The following KCNMB2 variants were observed in gnomAD, a reference collection of about 807,000 sequenced individuals.
KCNMB2 encodes the protein potassium calcium-activated channel subfamily M regulatory beta subunit 2, also known as calcium-activated potassium channel subunit beta-2.
In KCNMB2, 9 loss-of-function variants were observed where a neutral mutation model predicts 24.5. That is an observed-to-expected ratio of 0.37 (90% CI 0.22 to 0.64). KCNMB2 has a LOEUF of 0.64. Among genes scored for constraint, KCNMB2 ranks in the 30% least tolerant of loss-of-function variants. The probability of loss-of-function intolerance (pLI) is 0.63; values close to 1 mark genes in which losing one functional copy is unlikely to be tolerated. For missense variants in KCNMB2, 226 were observed against 284.3 expected (o/e 0.79, Z 1.47); for synonymous variants, 109 against 104.4 (o/e 1.04, Z -0.27).
Position 178,825,674 on chromosome 3 carries a change from T to G in KCNMB2, c.143T>G (p.Ile48Ser). 6.2e-7 allele frequency: 1 copy of G among 1,613,506 alleles called. No homozygotes were observed. ...CTGAAGGCAGGAGAGGACCGAGCTA[T>G]TCTCCTGGGACTGGCTATGATGGTG... The part of the protein sequence containing the change: ...TALKAGEDRA[I>S]LLGLAMMVCS... Residue 48 changes from isoleucine (I) to serine (S), a missense_variant, in exon 3 of 5, where the codon ATT (isoleucine) becomes AGT (serine). Coordinates refer to ENST00000452583, the MANE Select transcript of KCNMB2 (RefSeq NM_181361.3).
At chr3:178,784,257 G>C (rs147300791) in intron 1 of KCNMB2, among the ~76,000 whole-genome samples, 3 of 152,244 alleles carry the variant, frequency 2.0e-5, no homozygotes, top group African/African-American at 4.8e-5. Flanking sequence ...AATTGTTGGA[G>C]GTAGCTATTA....
intron 1 of KCNMB2, among the ~76,000 whole-genome samples, chr3:178,744,445 T>A (rs1242646480): frequency 6.6e-6 from 1 of 152,232 alleles, no homozygotes; most frequent in African/African-American, 2.4e-5. Flanking sequence ...GCTTTACATT[T>A]GTTTTACTCC....
intron 1 of KCNMB2, among the ~76,000 whole-genome samples, chr3:178,731,705 A>G (rs1577133489): frequency 1.3e-5 from 2 of 152,332 alleles, no homozygotes; most frequent in South Asian, 4.1e-4. Context: ...GGAGTTCAAG[A>G]CCAGCCTGGC....
chr3:178,793,010 CACACAGCCCAGTAA>C (rs1016852244), intron 1 of KCNMB2, among the ~76,000 whole-genome samples: 2 of 152,176 alleles, frequency 1.3e-5, no homozygotes, highest in African/African-American at 4.8e-5. Context: ...TCTCTCAGGC[CACACAGCCCAGTAA>C]ACACAGCCAC....
Position 178,710,395 on chromosome 3 carries a change from G to A in KCNMB2, c.-67-96948G>A, listed in dbSNP as rs575447973. ...TATTCAAACCGGGGAAAGGAATGCA[G>A]GGCAGTCTAGGACTTTGGAGAGAAC... On this transcript the variant is annotated intron_variant, in intron 1 of 4. Transcript: ENST00000452583. Among the ~76,000 whole-genome samples, 8 of 152,230 alleles carry A rather than the reference G, an allele frequency of 5.3e-5. No individual in the cohort carries two copies. The South Asian group carries it at 1.5e-3, about 28-fold the overall frequency.
intron 1 of KCNMB2, among the ~76,000 whole-genome samples, chr3:178,575,298 T>G (rs887024804): frequency 6.6e-6 from 1 of 152,018 alleles, no homozygotes; most frequent in Non-Finnish European, 1.5e-5. Flanking sequence ...GTGAGTTGGG[T>G]TCTGGGGTAG....
At chr3:178,654,813 C>T (rs573607466) in intron 1 of KCNMB2, among the ~76,000 whole-genome samples, 42 of 152,234 alleles carry the variant, frequency 2.8e-4, no homozygotes, top group African/African-American at 1.0e-3. Context: ...AAAATGGTAT[C>T]ACATACTTGT....
chr3:178,810,393 G>A (rs1268777598), intron 2 of KCNMB2, among the ~76,000 whole-genome samples: 1 of 152,082 alleles, frequency 6.6e-6, no homozygotes, highest in African/African-American at 2.4e-5. Flanking sequence ...TCCTCTTCCT[G>A]AGAACAGGGC....
At position 178,825,752 on chromosome 3, in the gene KCNMB2, T is replaced by TG. The variant is rs1560037035; in HGVS notation, c.222dup (p.Gln75AlafsTer22). The TG allele has an allele frequency of 6.2e-7, 1 of 1,610,452 alleles. No homozygotes were observed. The highest frequency in any genetic ancestry group is 8.5e-7 in the Non-Finnish European group (1 of 1,177,076). On this transcript the variant is annotated frameshift_variant, in exon 3 of 5. Transcript: ENST00000452583. LOFTEE classifies it high-confidence loss of function. Reference sequence around the variant, plus strand: ...GGAATCACACTCCTGCGCTCATACATGCAGAGGTAATACCACTGGGTGGGT... The same window carrying TG: ...GGAATCACACTCCTGCGCTCATACATGGCAGAGGTAATACCACTGGGTGGGT...
chr3:178,828,846 A>G (rs992503946), intron 4 of KCNMB2, among the ~76,000 whole-genome samples: 2 of 151,952 alleles, frequency 1.3e-5, no homozygotes, highest in African/African-American at 4.8e-5. Context: ...ACAAATGGCC[A>G]CCTTGCAAGG....
intron 1 of KCNMB2, among the ~76,000 whole-genome samples, chr3:178,586,538 C>CTTTTTTTTTTTTTTTTTTTTTTTT (rs10677144): frequency 2.2e-4 from 15 of 68,500 alleles, no homozygotes; most frequent in East Asian, 5.2e-4. Flanking sequence ...TTTTTTCTTT[C>CTTTTTTTTTTTTTTTTTTTTTTTT]TTTTTTTTTT....
chr3:178,807,603 G>A (rs909759459), intron 2 of KCNMB2, 138 bp downstream of exon 2: 23 of 638,978 alleles, frequency 3.6e-5, no homozygotes, highest in Non-Finnish European at 5.6e-5. Flanking sequence ...CAGGAGTAGG[G>A]TTTCAGACAC....
rs146482898 is a variant in KCNMB2 at position 178,755,012 on chromosome 3, T to C, written c.-67-52331T>C. Reference sequence around the variant, plus strand: ...AAATTAAAGCTCAGTGCAGAGCAGATGGACCATTTCCCCATTCTGGCAGGC... The same window carrying C: ...AAATTAAAGCTCAGTGCAGAGCAGACGGACCATTTCCCCATTCTGGCAGGC... On this transcript the variant is annotated intron_variant, in intron 1 of 4. Coordinates refer to ENST00000452583, the MANE Select transcript of KCNMB2 (RefSeq NM_181361.3). Among the ~76,000 whole-genome samples, 588 of 152,372 alleles carry C rather than the reference T, an allele frequency of 3.9e-3. 1 individual carries two copies. The highest frequency in any genetic ancestry group is 6.8e-3 in the Non-Finnish European group (463 of 68,042).
chr3:178,779,790 T>C (rs1275727732), intron 1 of KCNMB2, among the ~76,000 whole-genome samples: 1 of 152,124 alleles, frequency 6.6e-6, no homozygotes, highest in East Asian at 1.9e-4. Flanking sequence ...ATAAAAATCA[T>C]TCATGATCAA....
intron 1 of KCNMB2, among the ~76,000 whole-genome samples, chr3:178,655,135 T>A (rs1044900113): frequency 6.8e-6 from 1 of 146,936 alleles, no homozygotes; most frequent in Non-Finnish European, 1.5e-5. Flanking sequence ...TCTCTCTCTC[T>A]CTCTCTCTAT....
intron 4 of KCNMB2, among the ~76,000 whole-genome samples, chr3:178,837,490 T>C (rs1045261776): frequency 6.6e-6 from 1 of 152,216 alleles, no homozygotes; most frequent in African/African-American, 2.4e-5. Context: ...GACTTATCAA[T>C]AATAAAAGTA....
At chr3:178,756,991 G>C (rs539391795) in intron 1 of KCNMB2, 1 of 151,644 alleles carries the variant, frequency 6.6e-6, no homozygotes, top group Non-Finnish European at 1.5e-5. Context: ...GGAAGAAGTG[G>C]CACTAAAGTG....
chr3:178,539,049 A>C (rs1299637029), intron 1 of KCNMB2, among the ~76,000 whole-genome samples: 1 of 152,194 alleles, frequency 6.6e-6, no homozygotes, highest in Non-Finnish European at 1.5e-5. Context: ...CCCATGGGTA[A>C]CACAGCCATC....
chr3:178,689,314 T>A (rs548398627), intron 1 of KCNMB2, among the ~76,000 whole-genome samples: 99 of 152,244 alleles, frequency 6.5e-4, no homozygotes, highest in African/African-American at 2.2e-3. Context: ...TGTTACCAGC[T>A]AGAACCGCCT....
Sources: allele counts gnomAD v4.1 joint callset (sites outside exome capture counted in the v4.1 genomes callset), GRCh38; gene constraint gnomAD v4.1.1; transcripts MANE v1.5; gene names NCBI Gene and HGNC (gene_info 2026-07-23, HGNC 2026-07-21).